Variants in XRN1 observed in about 807,000 individuals in gnomAD.
XRN1 encodes the protein 5'-3' exoribonuclease 1, also known as strand-exchange protein 1 homolog.
XRN1 carries 67 observed loss-of-function variants against 222.3 expected under a neutral mutation model. The observed-to-expected ratio is 0.30, with a 90% CI of 0.25 to 0.37. The LOEUF (loss-of-function observed/expected upper bound fraction) is 0.37. Ranked by LOEUF, XRN1 falls within the 10% of genes least tolerant of loss-of-function variation. XRN1 has a pLI of 1.00. For missense variants in XRN1, 1,707 were observed against 2,000.2 expected (o/e 0.85, Z 2.80); for synonymous variants, 643 against 652.4 (o/e 0.99, Z 0.22).
At chr3:142,372,538 GA>G (rs2067019038) in intron 25 of XRN1, among the ~76,000 whole-genome samples, 1 of 152,174 alleles carries the variant, frequency 6.6e-6, no homozygotes, top group Admixed American at 6.5e-5. Context: ...GGGACAATCA[GA>G]ATGTCTGGGT....
Position 142,333,583 on chromosome 3 carries a change from C to A in XRN1, c.3940-494G>T, listed in dbSNP as rs2065764554. ...AATTATGAATATAGGCAACAAAACA[C>A]TTATATGGTCTGCATGTTTGTATTC... is the stretch of plus-strand genomic sequence containing the variant. On this transcript the variant is annotated intron_variant, in intron 34 of 40. Transcript: ENST00000392981. 2.0e-5 allele frequency among the ~76,000 whole-genome samples: 3 copies of A among 152,218 alleles called. No individual in the cohort carries two copies. The South Asian group carries it at 6.2e-4, about 32-fold the overall frequency.
intron 2 of XRN1, among the ~76,000 whole-genome samples, chr3:142,428,415 T>A (rs998768906): frequency 2.4e-4 from 36 of 147,746 alleles, no homozygotes; most frequent in Admixed American, 8.8e-4. Context: ...AAAAAAAAAA[T>A]TATTTCTGTT....
chr3:142,313,720 T>C (rs1371703583), intron 39 of XRN1, among the ~76,000 whole-genome samples: 1 of 152,166 alleles, frequency 6.6e-6, no homozygotes, highest in Non-Finnish European at 1.5e-5. Flanking sequence ...AAACTTTTAA[T>C]ATGAAAAACA....
At position 142,447,802 on chromosome 3, in the gene XRN1, C is replaced by G; in HGVS notation, c.75+68G>C. On this transcript the variant is annotated intron_variant, in intron 1 of 40. Transcript: ENST00000392981. This position sits in a 1 kb window ranked among gnomAD's most constrained non-coding sequence, Gnocchi z 4.2. ...AAGAGGTGGCTCGAAAGCCCCAGCT[C>G]TAAGGTGGAGAGGGCCGCGGAGCCC... 2 of 1,574,664 alleles carry G rather than the reference C, an allele frequency of 1.3e-6. No individual in the cohort carries two copies. Among genetic ancestry groups the G allele is most frequent in the East Asian group, 4.5e-5 (2 of 44,448 alleles).
intron 39 of XRN1, among the ~76,000 whole-genome samples, chr3:142,313,699 TAAG>T (rs1249159271): frequency 3.3e-5 from 5 of 152,300 alleles, no homozygotes; most frequent in Non-Finnish European, 7.4e-5. Context: ...ACACAAATTC[TAAG>T]AAGAAGAAAA....
At chr3:142,390,208 A>G (rs1052352429) in intron 20 of XRN1, among the ~76,000 whole-genome samples, 2 of 152,236 alleles carry the variant, frequency 1.3e-5, no homozygotes, top group African/African-American at 2.4e-5. Context: ...TAAAGTAACC[A>G]GTTGCACTTT....
At chr3:142,419,334 G>GAC (rs566291264) in intron 10 of XRN1, among the ~76,000 whole-genome samples, 1,931 of 151,346 alleles carry the variant, frequency 0.013, 38 homozygotes, top group African/African-American at 0.044. Flanking sequence ...GAAAAAAAAA[G>GAC]ACACACACAC....
Position 142,334,878 on chromosome 3 carries a change from C to A in XRN1, c.3939+570G>T, listed in dbSNP as rs149044673. On this transcript the variant is annotated intron_variant, in intron 34 of 40. Transcript: ENST00000392981. The stretch of plus-strand genomic sequence containing the variant: ...TTTGAGACAGAGTCTCACTGTTGCC[C>A]AGGCTGGAGTGCAGTGGTGCGATTT... Among the ~76,000 whole-genome samples the A allele has an allele frequency of 6.0e-3, 910 of 151,310 alleles. 16 individuals are homozygous for A. Among genetic ancestry groups the A allele is most frequent in the African/African-American group, 0.021 (870 of 41,182 alleles).
intron 25 of XRN1, 45 bp from the exon 26 acceptor site, chr3:142,371,373 A>T (rs1218970666): frequency 6.4e-6 from 9 of 1,409,820 alleles, no homozygotes; most frequent in Non-Finnish European, 6.8e-6. Context: ...TATATGGTTA[A>T]TTTCGGATAA....
chr3:142,347,454 AAACTT>A, intron 32 of XRN1, 112 bp from the exon 33 acceptor site: 1 of 681,828 alleles, frequency 1.5e-6, no homozygotes, highest in Admixed American at 3.6e-5. Flanking sequence ...CCTTAGAAAA[AAACTT>A]AATACAGAAA....
chr3:142,399,358 A>G (rs912163434), intron 19 of XRN1, among the ~76,000 whole-genome samples: 1 of 152,276 alleles, frequency 6.6e-6, no homozygotes, highest in Admixed American at 6.5e-5. Context: ...CAGTCTTTTC[A>G]ACAAATGATG....
intron 1 of XRN1, among the ~76,000 whole-genome samples, chr3:142,442,319 A>G (rs1245781008): frequency 1.3e-5 from 2 of 152,212 alleles, no homozygotes. Flanking sequence ...AACGGGAAAT[A>G]GAAAGGAACC....
chr3:142,366,707 T>A (rs971040779), intron 27 of XRN1, among the ~76,000 whole-genome samples: 6 of 152,060 alleles, frequency 3.9e-5, no homozygotes, highest in Non-Finnish European at 8.8e-5. Flanking sequence ...GCCGACTAGA[T>A]GCACTAAAAG....
chr3:142,390,872 T>C (rs766016712), intron 20 of XRN1, among the ~76,000 whole-genome samples: 11 of 152,286 alleles, frequency 7.2e-5, no homozygotes, highest in East Asian at 1.9e-4. Flanking sequence ...TAAGAGGACA[T>C]TGTAGGGCTA....
At chr3:142,364,980 A>T in intron 29 of XRN1, 67 bp downstream of exon 29, 2 of 1,493,104 alleles carry the variant, frequency 1.3e-6, no homozygotes, top group Non-Finnish European at 1.8e-6. Context: ...TATAAAAAAC[A>T]GACAAGCCTG....
intron 32 of XRN1, among the ~76,000 whole-genome samples, chr3:142,348,356 G>A (rs1370143608): frequency 6.6e-6 from 1 of 151,902 alleles, no homozygotes; most frequent in Non-Finnish European, 1.5e-5. Context: ...ATATTGTCAA[G>A]GTTTTTAAAT....
Position 142,318,638 on chromosome 3 carries a change from T to C in XRN1, c.4575A>G (p.Ser1525=). The change falls in exon 39 of 41, where the codon TCA becomes TCG. Residue 1525 remains serine, a synonymous_variant. Transcript: ENST00000392981. ...LPSQVFANYP[S]AVPPGTIPPA... is the part of the protein sequence containing the mutation. The stretch of plus-strand genomic sequence containing the variant: ...GAGGAATGGTTCCAGGTGGTACAGC[T>C]GAAGGATAATTTGCAAATACTTGTG... 1 of 1,609,754 alleles carries C rather than the reference T, an allele frequency of 6.2e-7. No individual in the cohort carries two copies. The highest frequency in any genetic ancestry group is 8.5e-7 in the Non-Finnish European group (1 of 1,178,380).
chr3:142,337,397 G>C (rs1193639936), intron 33 of XRN1, among the ~76,000 whole-genome samples: 1 of 152,134 alleles, frequency 6.6e-6, no homozygotes, highest in East Asian at 1.9e-4. Context: ...TTATACTCTA[G>C]GAGGTCAGAA....
intron 13 of XRN1, among the ~76,000 whole-genome samples, chr3:142,416,591 A>G (rs2068797470): frequency 6.6e-6 from 1 of 152,270 alleles, no homozygotes; most frequent in Non-Finnish European, 1.5e-5. Context: ...GTAATTATCA[A>G]GACTTTGCCA....
Sources: gnomAD v4.1 joint callset for allele counts (sites outside exome capture counted in the v4.1 genomes callset) on GRCh38, gnomAD v4.1.1 for gene constraint, Gnocchi (gnomAD v3.1) non-coding constraint, MANE v1.5 for transcripts, NCBI Gene and HGNC (gene_info 2026-07-23, HGNC 2026-07-21) for gene names.